Variants in SAMMSON observed in about 807,000 individuals in gnomAD.
SAMMSON encodes the protein long intergenic non-protein coding RNA 1212.
chr3:70,221,029 T>C (rs1029420555), intron 4 of SAMMSON, among the ~76,000 whole-genome samples: 7 of 152,178 alleles, frequency 4.6e-5, no homozygotes, highest in African/African-American at 1.7e-4. Flanking sequence ...ATTTGCTTTT[T>C]CCCATATTAT....
chr3:70,255,281 T>C (rs1217489550), intron 6 of SAMMSON, among the ~76,000 whole-genome samples: 1 of 152,202 alleles, frequency 6.6e-6, no homozygotes, highest in Non-Finnish European at 1.5e-5. Context: ...AAAACAAAAC[T>C]TCTATGAAAA....
chr3:70,043,066 G>A (rs1314578588), intron 3 of SAMMSON, among the ~76,000 whole-genome samples: 1 of 152,046 alleles, frequency 6.6e-6, no homozygotes, highest in African/African-American at 2.4e-5. Context: ...TGCACCCCAA[G>A]GAAGAATTTC....
chr3:70,328,498 T>C (rs993614321), intron 7 of SAMMSON, among the ~76,000 whole-genome samples: 1 of 152,124 alleles, frequency 6.6e-6, no homozygotes, highest in African/African-American at 2.4e-5. Flanking sequence ...TTTGAACTTG[T>C]AGAGATGACA....
Position 70,212,028 on chromosome 3 carries a change from T to C in SAMMSON, n.508-37079T>C, listed in dbSNP as rs533370478. On this transcript the variant is annotated intron_variant and non_coding_transcript_variant, in intron 4 of 9. Coordinates refer to ENST00000642114, the Ensembl canonical transcript of SAMMSON. Reference sequence around the variant, plus strand: ...ATTTTTTCCTTAAGACTTTGTCCTCTTAGTTTCTTTCTTCCTACCCTGCCC... The same window carrying C: ...ATTTTTTCCTTAAGACTTTGTCCTCCTAGTTTCTTTCTTCCTACCCTGCCC... 4.7e-4 allele frequency among the ~76,000 whole-genome samples: 72 copies of C among 152,172 alleles called. 1 individual carries two copies. In the South Asian group the frequency reaches 0.015, roughly 31 times the overall value.
intron 4 of SAMMSON, among the ~76,000 whole-genome samples, chr3:70,207,528 G>T (rs750925164): frequency 1.3e-5 from 2 of 151,954 alleles, no homozygotes; most frequent in Non-Finnish European, 1.5e-5. Context: ...CCCAAGCGTT[G>T]TATGTATTTT....
chr3:70,404,586 T>A (rs752507909), intron 2 of SAMMSON, among the ~76,000 whole-genome samples: 9 of 152,216 alleles, frequency 5.9e-5, no homozygotes, highest in Non-Finnish European at 1.0e-4. Flanking sequence ...GGTATGACTC[T>A]CTTCTGCTTC....
intron 4 of SAMMSON, among the ~76,000 whole-genome samples, chr3:70,214,607 C>CTTTTT (rs11391954): frequency 7.1e-6 from 1 of 140,312 alleles, no homozygotes. Flanking sequence ...CTGAAGTGGG[C>CTTTTT]TTTTTTTTTT....
intron 4 of SAMMSON, chr3:70,172,614 A>G (rs1238692419): frequency 6.6e-6 from 1 of 151,906 alleles, no homozygotes; most frequent in African/African-American, 2.4e-5. Context: ...AAGTAAGAAC[A>G]CTCACAAAAG....
chr3:70,195,097 C>T (rs938879169), intron 4 of SAMMSON, among the ~76,000 whole-genome samples: 2 of 152,158 alleles, frequency 1.3e-5, no homozygotes, highest in East Asian at 3.9e-4. Context: ...CTGACACTGC[C>T]AATAATTCAC....
chr3:70,142,096 G>A (rs765471177), intron 4 of SAMMSON, among the ~76,000 whole-genome samples: 3 of 147,140 alleles, frequency 2.0e-5, no homozygotes, highest in Non-Finnish European at 3.0e-5. Flanking sequence ...ATGTAAACCA[G>A]TACAACCACT....
chr3:70,409,029 G>A (rs1329175471), intron 2 of SAMMSON, among the ~76,000 whole-genome samples: 2 of 152,080 alleles, frequency 1.3e-5, no homozygotes, highest in Admixed American at 1.3e-4. Context: ...GATCTACTGA[G>A]ACTTATTCAC....
intron 4 of SAMMSON, among the ~76,000 whole-genome samples, chr3:70,161,811 T>C (rs1258664517): frequency 1.3e-5 from 2 of 151,902 alleles, no homozygotes; most frequent in Non-Finnish European, 2.9e-5. Context: ...CTCTTCTTTC[T>C]GGCAATTAAA....
intron 3 of SAMMSON, among the ~76,000 whole-genome samples, chr3:70,016,657 T>A (rs1202073810): frequency 6.6e-6 from 1 of 152,202 alleles, no homozygotes; most frequent in Non-Finnish European, 1.5e-5. Flanking sequence ...ATGAAGTCCT[T>A]GCCCATGCCT....
chr3:70,408,909 T>C (rs973207178), intron 2 of SAMMSON, among the ~76,000 whole-genome samples: 4 of 152,180 alleles, frequency 2.6e-5, no homozygotes, highest in African/African-American at 9.7e-5. Flanking sequence ...CAATTCCACC[T>C]GGCTGGGGAA....
intron 4 of SAMMSON, among the ~76,000 whole-genome samples, chr3:70,196,020 C>G (rs1348996848): frequency 6.6e-6 from 1 of 152,092 alleles, no homozygotes; most frequent in East Asian, 1.9e-4. Flanking sequence ...TGAATAAGTA[C>G]CCTCAACGCT....
At chr3:70,285,332 T>A (rs993506236) in intron 6 of SAMMSON, among the ~76,000 whole-genome samples, 22 of 151,862 alleles carry the variant, frequency 1.4e-4, no homozygotes, top group African/African-American at 5.3e-4. Context: ...CTTGCGATAG[T>A]TTACTGAGAA....
At chr3:70,165,419 G>A (rs1230297724) in intron 4 of SAMMSON, among the ~76,000 whole-genome samples, 3 of 151,902 alleles carry the variant, frequency 2.0e-5, no homozygotes, top group African/African-American at 7.2e-5. Context: ...AGGCCCCAGA[G>A]AGTTTTCTTG....
At chr3:70,220,313 C>A (rs932448754) in intron 4 of SAMMSON, among the ~76,000 whole-genome samples, 1 of 151,964 alleles carries the variant, frequency 6.6e-6, no homozygotes, top group South Asian at 2.1e-4. Context: ...TGCCTGTAAT[C>A]CCAGTGCTTT....
At chr3:70,043,553 T>C (rs1299308010) in intron 3 of SAMMSON, among the ~76,000 whole-genome samples, 1 of 152,074 alleles carries the variant, frequency 6.6e-6, no homozygotes, top group Non-Finnish European at 1.5e-5. Flanking sequence ...CGCTCTTATG[T>C]ACATTTTCAG....
Sources: allele counts gnomAD v4.1 joint callset (sites outside exome capture counted in the v4.1 genomes callset), GRCh38; gene constraint gnomAD v4.1.1; transcripts MANE v1.5; gene names NCBI Gene and HGNC (gene_info 2026-07-23, HGNC 2026-07-21).